PCDHGA5: variants seen among roughly 807,000 people sequenced by gnomAD.
The protein encoded by PCDHGA5 is protocadherin gamma subfamily A, 5.
In PCDHGA5, 36 loss-of-function variants were observed where a neutral mutation model predicts 56.7. The observed-to-expected ratio is 0.64, with a 90% CI of 0.49 to 0.84. The LOEUF is 0.84. Among genes scored for constraint, PCDHGA5 ranks in the 40% least tolerant of loss-of-function variants. The pLI, the probability that PCDHGA5 is intolerant of heterozygous loss-of-function variation, is 0.00. For synonymous variants in PCDHGA5, 563 were observed against 520.2 expected (o/e 1.08, Z -1.12); for missense variants, 1,305 against 1,201.5 (o/e 1.09, Z -1.27).
Position 141,431,732 on chromosome 5 carries a change from G to C in PCDHGA5, c.2422-63075G>C. 1 of 1,614,238 alleles carries C rather than the reference G, an allele frequency of 6.2e-7. No individual in the cohort carries two copies. Among genetic ancestry groups the C allele is most frequent in the Non-Finnish European group, 8.5e-7 (1 of 1,180,046 alleles). On this transcript the variant is annotated intron_variant, in intron 1 of 3. Coordinates refer to ENST00000518069, the MANE Select transcript of PCDHGA5 (RefSeq NM_018918.3). The surrounding 1 kb of genome is among the most constrained non-coding windows in gnomAD (Gnocchi z 4.8). ...GATGGAAGTGCAAGCAATGGATAAT[G>C]CAGGATATTCTGCGCGAGCCAAAGT...
intron 1 of PCDHGA5, among the ~76,000 whole-genome samples, chr5:141,445,711 G>A (rs978623618): frequency 1.3e-5 from 2 of 152,202 alleles, no homozygotes; most frequent in African/African-American, 4.8e-5. Context: ...TTGTCAGGCA[G>A]AGGAAATAGC....
At chr5:141,370,896 C>G in intron 1 of PCDHGA5, 1 of 1,614,040 alleles carries the variant, frequency 6.2e-7, no homozygotes, top group Non-Finnish European at 8.5e-7. Context: ...CAATTCGCTG[C>G]AGCAGTACTA....
intron 1 of PCDHGA5, chr5:141,422,335 C>T (rs1196951059): frequency 6.5e-7 from 1 of 1,549,804 alleles, no homozygotes; most frequent in Non-Finnish European, 8.7e-7. Flanking sequence ...GATTGCTCTT[C>T]TAAATGTGCA....
Position 141,365,327 on chromosome 5 carries a change from G to T in PCDHGA5, c.997G>T (p.Val333Leu). The part of the protein sequence containing the change: ...DGGALVASAK[V>L]VVTVQDVNDN... The stretch of plus-strand genomic sequence containing the variant: ...AGGCGCTCTTGTTGCCAGCGCTAAG[G>T]TGGTGGTCACAGTACAGGACGTGAA... Residue 333 changes from valine (V) to leucine (L), a missense_variant, in exon 1 of 4, where the codon GTG becomes TTG. Val to Leu is a conservative substitution (Grantham distance 32). Coordinates refer to ENST00000518069, the MANE Select transcript of PCDHGA5 (RefSeq NM_018918.3). 1 of 1,613,998 alleles carries T rather than the reference G, an allele frequency of 6.2e-7. No homozygotes were observed. The highest frequency in any genetic ancestry group is 2.2e-5 in the East Asian group (1 of 44,872).
At chr5:141,402,826 G>A (rs776479870) in intron 1 of PCDHGA5, 37 of 1,328,842 alleles carry the variant, frequency 2.8e-5, no homozygotes, top group Middle Eastern at 2.7e-4. Flanking sequence ...CCTGCTCCCA[G>A]GCTGCAGCAA....
chr5:141,409,666 C>T, intron 1 of PCDHGA5: 3 of 1,613,554 alleles, frequency 1.9e-6, no homozygotes, highest in Non-Finnish European at 2.5e-6. Flanking sequence ...GCCACATCTC[C>T]TACTCTATAG....
At chr5:141,418,800 G>A in intron 1 of PCDHGA5, 1 of 1,613,800 alleles carries the variant, frequency 6.2e-7, no homozygotes, top group African/African-American at 1.3e-5. Context: ...GAAGTAGAAA[G>A]ATATACGATA....
intron 1 of PCDHGA5, chr5:141,429,169 T>TACAC (rs10667977): frequency 0.077 from 11,199 of 145,388 alleles, 458 homozygotes; most frequent in African/African-American, 0.081. Flanking sequence ...ACATTGTTTA[T>TACAC]ACACACACAC....
At chr5:141,375,926 G>T (rs1450226627) in intron 1 of PCDHGA5, 1 of 1,613,758 alleles carries the variant, frequency 6.2e-7, no homozygotes, top group South Asian at 1.1e-5. Flanking sequence ...CAGCGAGCCA[G>T]GACTTTTCTC....
intron 1 of PCDHGA5, among the ~76,000 whole-genome samples, chr5:141,402,682 T>C (rs1012328239): frequency 2.0e-5 from 3 of 152,256 alleles, no homozygotes; most frequent in South Asian, 4.1e-4. Context: ...CCATCTGATA[T>C]AATGTTACAC....
intron 1 of PCDHGA5, chr5:141,372,939 G>A (rs1026338118): frequency 1.1e-5 from 9 of 824,676 alleles, no homozygotes; most frequent in Non-Finnish European, 1.6e-5. Flanking sequence ...GTAGAGTAGG[G>A]TGTCTAGGAA....
At chr5:141,416,998 CAAAT>C (rs2096073182) in intron 1 of PCDHGA5, 1 of 150,816 alleles carries the variant, frequency 6.6e-6, no homozygotes, top group South Asian at 2.1e-4. Flanking sequence ...GCATTCATCT[CAAAT>C]AATTCTATTA....
At position 141,487,748 on chromosome 5, in the gene PCDHGA5, T is replaced by C. The variant is rs1458153935; in HGVS notation, c.2422-7059T>C. On this transcript the variant is annotated intron_variant, in intron 1 of 3. Coordinates refer to ENST00000518069, the MANE Select transcript of PCDHGA5 (RefSeq NM_018918.3). The surrounding 1 kb of genome is among the most constrained non-coding windows in gnomAD (Gnocchi z 5.0). ...TGTCACCATTTTTGTAAGAGGTAAC[T>C]ATGTGGTAGACGCTGTGCTTTGTAA... 1 of 1,557,436 alleles carries C rather than the reference T, an allele frequency of 6.4e-7. No individual in the cohort carries two copies. Among genetic ancestry groups the C allele is most frequent in the Non-Finnish European group, 8.7e-7 (1 of 1,149,514 alleles).
chr5:141,385,105 C>T lies in PCDHGA5; in HGVS notation c.2421+18354C>T. ...TTCAGAAGGTGGCTTGGCGAACGTG[C>T]CCACCTCGCACTTTGTGGGCATGGA... On this transcript the variant is annotated intron_variant, in intron 1 of 3. Transcript: ENST00000518069. 3 of 1,614,176 alleles carry T rather than the reference C, an allele frequency of 1.9e-6. No homozygotes were observed. Among genetic ancestry groups the T allele is most frequent in the Non-Finnish European group, 2.5e-6 (3 of 1,180,044 alleles).
At chr5:141,424,746 T>TTA (rs1392854638) in intron 1 of PCDHGA5, 1 of 152,214 alleles carries the variant, frequency 6.6e-6, no homozygotes, top group Non-Finnish European at 1.5e-5. Flanking sequence ...CTTTCTTTCT[T>TTA]TATAAGGTCA....
At chr5:141,421,964 C>A (rs772274014) in intron 1 of PCDHGA5, 3 of 1,611,350 alleles carry the variant, frequency 1.9e-6, no homozygotes, top group Non-Finnish European at 2.5e-6. Flanking sequence ...TTTACACAGT[C>A]CGTATATCGC....
intron 1 of PCDHGA5, chr5:141,430,555 TC>T (rs1232264614): frequency 9.7e-6 from 4 of 411,788 alleles, no homozygotes; most frequent in Non-Finnish European, 1.3e-5. Flanking sequence ...TGTTCACCAA[TC>T]GGGGAGAGAA....
At chr5:141,376,171 G>T (rs758847977) in intron 1 of PCDHGA5, 1 of 1,614,096 alleles carries the variant, frequency 6.2e-7, no homozygotes, top group South Asian at 1.1e-5. Context: ...TGGTGGTGGC[G>T]GTGGCCGCGG....
At chr5:141,392,649 C>T in intron 1 of PCDHGA5, 1 of 703,200 alleles carries the variant, frequency 1.4e-6, no homozygotes, top group South Asian at 2.2e-5. Flanking sequence ...CACGAAGACC[C>T]GCAGATGCCA....
Sources: allele counts gnomAD v4.1 joint callset (sites outside exome capture counted in the v4.1 genomes callset), GRCh38; gene constraint gnomAD v4.1.1; non-coding constraint Gnocchi (gnomAD v3.1); transcripts MANE v1.5; gene names NCBI Gene and HGNC (gene_info 2026-07-23, HGNC 2026-07-21).